The following TMEM225 variants were observed in gnomAD, a reference collection of about 807,000 sequenced individuals.
The protein encoded by TMEM225 is transmembrane protein 225.
A neutral mutation model predicts 17.6 loss-of-function variants in TMEM225; 10 were observed. The observed-to-expected ratio is 0.57, with a 90% CI of 0.35 to 0.96. The LOEUF (loss-of-function observed/expected upper bound fraction) is 0.96, where lower values mean the gene tolerates loss of function less well. Among genes scored for constraint, TMEM225 ranks in the 40% least tolerant of loss-of-function variants. The pLI is 0.02. For synonymous variants in TMEM225, 101 were observed against 94.5 expected (o/e 1.07, Z -0.40); for missense variants, 245 against 271.5 (o/e 0.90, Z 0.69).
Position 123,883,087 on chromosome 11 carries a change from A to G in TMEM225, c.*51T>C, listed in dbSNP as rs369351724. The G allele has an allele frequency of 3.4e-4, 504 of 1,489,612 alleles. 3 individuals are homozygous for G. Among genetic ancestry groups the G allele is most frequent in the Middle Eastern group, 1.6e-3 (8 of 5,030 alleles). The allele number at this position is 1,489,612 out of a possible 1,614,324, so 92.3% of individuals were successfully genotyped here. On this transcript the variant is annotated 3_prime_UTR_variant, in exon 4 of 4. Transcript: ENST00000375026. ...GGTTGGAGACACAGCACACACCCAC[A>G]AAGCTTTTTCCATAAAGATGAGCAT... is the stretch of plus-strand genomic sequence containing the variant.
In TMEM225 at chr11:123,884,485, G is replaced by A; in HGVS notation, c.328+5C>T. On this transcript the variant is annotated splice_donor_5th_base_variant and intron_variant, in intron 2 of 3. Coordinates refer to ENST00000375026, the MANE Select transcript of TMEM225 (RefSeq NM_001013743.3). ...AAGCTTGTGTTAGGGGAGCCAGGAA[G>A]TTACCTGAGAAGAAACTGAGGATGG... 3 of 1,607,824 alleles carry A rather than the reference G, an allele frequency of 1.9e-6. No homozygotes were observed. Among genetic ancestry groups the A allele is most frequent in the Non-Finnish European group, 1.7e-6 (2 of 1,177,176 alleles).
intron 2 of TMEM225, 92 bp downstream of exon 2, chr11:123,884,398 C>T: frequency 5.8e-6 from 7 of 1,209,214 alleles, no homozygotes; most frequent in African/African-American, 1.6e-5. Flanking sequence ...TCAGAAGCTA[C>T]ATATATATAT....
chr11:123,885,148 A>G (rs1863023017), intron 1 of TMEM225, 97 bp downstream of exon 1: 2 of 1,104,584 alleles, frequency 1.8e-6, no homozygotes, highest in Non-Finnish European at 2.6e-6. Flanking sequence ...ACCAGAAAAT[A>G]ATGGGTACAC....
Position 123,885,353 on chromosome 11 carries a change from C to T in TMEM225, c.73G>A (p.Val25Met), listed in dbSNP as rs771821395. The stretch of plus-strand genomic sequence containing the variant: ...CATTTATCTAAGGTGATTCCCATCA[C>T]CATTAAGACTACGGCCCAGGAGGAG... Reference protein sequence around the residue: ...LFSSWAVVLMVMGITLDKWVE... With the variant: ...LFSSWAVVLMMMGITLDKWVE... Residue 25 changes from valine (V) to methionine (M), a missense_variant, in exon 1 of 4, where the codon GTG (valine) becomes ATG (methionine). By Grantham distance (21) the Val-to-Met change is conservative. Coordinates refer to ENST00000375026, the MANE Select transcript of TMEM225 (RefSeq NM_001013743.3). The T allele has an allele frequency of 2.5e-6, 4 of 1,613,602 alleles. No individual in the cohort carries two copies. Among genetic ancestry groups the T allele is most frequent in the Non-Finnish European group, 3.4e-6 (4 of 1,179,692 alleles).
intron 2 of TMEM225, 48 bp downstream of exon 2, chr11:123,884,442 C>T (rs1359877807): frequency 1.9e-6 from 3 of 1,541,992 alleles, no homozygotes; most frequent in Non-Finnish European, 2.6e-6. Flanking sequence ...CTGAACCCAC[C>T]CATCAAAGTA....
In TMEM225 at chr11:123,883,207, A is replaced by C; in HGVS notation, c.609T>G (p.Ile203Met). 5 of 1,613,586 alleles carry C rather than the reference A, an allele frequency of 3.1e-6. No individual in the cohort carries two copies. The highest frequency in any genetic ancestry group is 4.2e-6 in the Non-Finnish European group (5 of 1,179,634). The change falls in exon 4 of 4, where the codon ATT becomes ATG. Residue 203 changes from isoleucine (I) to methionine (M), a missense_variant. Ile to Met is a conservative substitution (Grantham distance 10). Coordinates refer to ENST00000375026, the MANE Select transcript of TMEM225 (RefSeq NM_001013743.3). Reference protein sequence around the residue: ...LPECTAMPRSIVRAHTVNSLN... With the variant: ...LPECTAMPRSMVRAHTVNSLN... Reference sequence around the variant, plus strand: ...GGGAATTCACAGTGTGTGCACGGACAATGCTACGAGGCATTGCAGTGCATT... The same window carrying C: ...GGGAATTCACAGTGTGTGCACGGACCATGCTACGAGGCATTGCAGTGCATT...
In TMEM225 at chr11:123,885,317, T is replaced by C. The variant is rs1863026963; in HGVS notation, c.109A>G (p.Ile37Val). ...GITLDKWVEL[I>V]SEDERAKMNH... The stretch of plus-strand genomic sequence containing the variant: ...ATCTTGGCTCTTTCATCTTCTGAAA[T>C]CAATTCAACCCATTTATCTAAGGTG... Residue 37 changes from isoleucine to valine, a missense_variant, in exon 1 of 4, where the codon ATT becomes GTT. Physicochemically the swap from Ile to Val is conservative, Grantham distance 29. Transcript: ENST00000375026. The C allele has an allele frequency of 6.2e-7, 1 of 1,613,580 alleles. No homozygotes were observed. The highest frequency in any genetic ancestry group is 1.3e-5 in the African/African-American group (1 of 74,894).
Position 123,883,204 on chromosome 11 carries a change from G to A in TMEM225, c.612C>T (p.Val204=). Residue 204 remains valine (V), a synonymous_variant, in exon 4 of 4, where the codon GTC becomes GTT. Transcript: ENST00000375026. ...TTAGGGAATTCACAGTGTGTGCACG[G>A]ACAATGCTACGAGGCATTGCAGTGC... The part of the protein sequence containing the change: ...PECTAMPRSI[V]RAHTVNSLNK... 6.2e-7 allele frequency: 1 copy of A among 1,613,476 alleles called. No homozygotes were observed. Among genetic ancestry groups the A allele is most frequent in the Non-Finnish European group, 8.5e-7 (1 of 1,179,572 alleles).
Position 123,884,513 on chromosome 11 carries a change from G to A in TMEM225, c.305C>T (p.Thr102Ile), listed in dbSNP as rs1424727070. 2 of 1,612,068 alleles carry A rather than the reference G, an allele frequency of 1.2e-6. No homozygotes were observed. The highest frequency in any genetic ancestry group is 1.3e-5 in the African/African-American group (1 of 74,804). The change falls in exon 2 of 4, where the codon ACT becomes ATT. Residue 102 changes from threonine (T) to isoleucine (I), a missense_variant. Coordinates refer to ENST00000375026, the MANE Select transcript of TMEM225 (RefSeq NM_001013743.3). ...ACCTGAGAAGAAACTGAGGATGGTA[G>A]TGAAGAGTTGTATATATTTATTTTG... is the stretch of plus-strand genomic sequence containing the variant. ...IPQNKYIQLF[T>I]TILSFFSGIS...
At chr11:123,884,454 A>G in intron 2 of TMEM225, 36 bp downstream of exon 2, 2 of 1,578,792 alleles carry the variant, frequency 1.3e-6, no homozygotes, top group Non-Finnish European at 1.7e-6. Flanking sequence ...ATCAAAGTAC[A>G]CCTACAAGCT....
In TMEM225 at chr11:123,884,222, C is replaced by CCAAAAAA; in HGVS notation, c.329-14_329-13insTTTTTTG. ...AGCAGAGAGATACCTGATGTCCAGA[C>CCAAAAAA]AAAAAAAAAAAAAAAAAAAGAAAAA... On this transcript the variant is annotated splice_polypyrimidine_tract_variant and intron_variant, in intron 2 of 3. Transcript: ENST00000375026. 8.1e-7 allele frequency: 1 copy of CCAAAAAA among 1,230,850 alleles called. No individual in the cohort carries two copies. Among genetic ancestry groups the CCAAAAAA allele is most frequent in the Non-Finnish European group, 1.0e-6 (1 of 977,798 alleles). 76.2% of individuals were successfully genotyped at this position (1,230,850 alleles called of 1,614,324 possible).
At chr11:123,885,012 G>A (rs728177) in intron 1 of TMEM225, among the ~76,000 whole-genome samples, 21 of 151,996 alleles carry the variant, frequency 1.4e-4, no homozygotes, top group African/African-American at 5.1e-4. Context: ...CTTCTCAAAT[G>A]CCCAGCAGTT....
intron 3 of TMEM225, 104 bp from the exon 4 acceptor site, chr11:123,883,456 C>T: frequency 1.3e-6 from 1 of 791,150 alleles, no homozygotes; most frequent in Admixed American, 2.4e-5. Flanking sequence ...CCAGTGGATC[C>T]CTTTTAACTA....
intron 2 of TMEM225, 135 bp from the exon 3 acceptor site, chr11:123,884,344 T>G: frequency 7.5e-7 from 1 of 1,330,588 alleles, no homozygotes; most frequent in Non-Finnish European, 1.0e-6. Context: ...AACTACACCT[T>G]GCCCAAAGAC....
intron 1 of TMEM225, 49 bp downstream of exon 1, chr11:123,885,196 G>C (rs1262703417): frequency 6.4e-7 from 1 of 1,559,782 alleles, no homozygotes; most frequent in Non-Finnish European, 8.7e-7. Context: ...GCCAAGTTAA[G>C]GACACACCCT....
intron 3 of TMEM225, 89 bp downstream of exon 3, chr11:123,883,986 C>G: frequency 1.4e-6 from 2 of 1,403,168 alleles, no homozygotes; most frequent in African/African-American, 1.5e-5. Context: ...AGGTTTGGCA[C>G]TTTTCCCTCT....
intron 1 of TMEM225, among the ~76,000 whole-genome samples, 154 bp from the exon 2 acceptor site, chr11:123,884,790 C>T (rs1161039453): frequency 6.6e-6 from 1 of 152,100 alleles, no homozygotes; most frequent in African/African-American, 2.4e-5. Flanking sequence ...GCAGGGGAAC[C>T]TTAAGCTGAA....
rs578046298 is a variant in TMEM225 at position 123,884,401 on chromosome 11, A to G, written c.328+89T>C. The G allele has an allele frequency of 3.6e-5, 46 of 1,276,524 alleles. 1 individual carries two copies. In the East Asian group the frequency reaches 9.7e-4, roughly 27 times the overall value. The allele number at this position is 1,276,524 out of a possible 1,614,324, so 79.1% of individuals were successfully genotyped here. A position where few individuals can be genotyped will look rare whatever the true frequency, so the allele number is the denominator to read the frequency against. Reference sequence around the variant, plus strand: ...GGTAGATCTAACTCAGAAGCTACATATATATATATATAGTTTTCAGAGACT... The same window carrying G: ...GGTAGATCTAACTCAGAAGCTACATGTATATATATATAGTTTTCAGAGACT... On this transcript the variant is annotated intron_variant, in intron 2 of 3. Coordinates refer to ENST00000375026, the MANE Select transcript of TMEM225 (RefSeq NM_001013743.3).
intron 2 of TMEM225, 120 bp downstream of exon 2, chr11:123,884,370 T>G: frequency 7.6e-7 from 1 of 1,313,008 alleles, no homozygotes; most frequent in Non-Finnish European, 1.0e-6. Flanking sequence ...CTGATCCTGC[T>G]TTTATGGTAG....
Sources: gnomAD v4.1 joint callset for allele counts (sites outside exome capture counted in the v4.1 genomes callset) on GRCh38, gnomAD v4.1.1 for gene constraint, MANE v1.5 for transcripts, NCBI Gene and HGNC (gene_info 2026-07-23, HGNC 2026-07-21) for gene names.